Variants in ST13 observed in about 807,000 individuals in gnomAD.
The protein encoded by ST13 is hsc70-interacting protein.
In ST13, 23 loss-of-function variants were observed where a neutral mutation model predicts 56.7. The observed-to-expected ratio is 0.41, with a 90% CI of 0.29 to 0.57. The LOEUF is 0.57. ST13 is among the 20% of genes least tolerant of loss of function. ST13 has a pLI of 0.36. For synonymous variants in ST13, 132 were observed against 142.4 expected (o/e 0.93, Z 0.52); for missense variants, 369 against 459.9 (o/e 0.80, Z 1.81).
intron 1 of ST13, chr22:40,854,556 A>G (rs1267649660): frequency 4.6e-5 from 7 of 152,226 alleles, no homozygotes; most frequent in Non-Finnish European, 1.0e-4. Flanking sequence ...GGAATTCTCT[A>G]CATAGGCACA....
In ST13 at chr22:40,845,416, C is replaced by T. The variant is rs148758327; in HGVS notation, c.245-507G>A. Among the ~76,000 whole-genome samples the T allele has an allele frequency of 1.3e-3, 191 of 152,196 alleles. 3 individuals carry two copies. The East Asian group carries it at 0.032, about 26-fold the overall frequency. On this transcript the variant is annotated intron_variant, in intron 3 of 11. Coordinates refer to ENST00000216218, the MANE Select transcript of ST13 (RefSeq NM_003932.5). ...TGTTGTCCAAGAAATCCTCCCACCT[C>T]GGCCTCCCAAAGCACTAGGATTCCA...
chr22:40,838,673 T>C (rs565664844), intron 5 of ST13, among the ~76,000 whole-genome samples: 29 of 151,946 alleles, frequency 1.9e-4, no homozygotes, highest in African/African-American at 3.9e-4. Flanking sequence ...CTCAGGAAGA[T>C]TGCTTGAGCC....
At position 40,856,451 on chromosome 22, in the gene ST13, G is replaced by A. The variant is rs1262711290; in HGVS notation, c.90C>T (p.Phe30=). Residue 30 remains phenylalanine (F), a synonymous_variant, in exon 1 of 12, where the codon TTC becomes TTT. Coordinates refer to ENST00000216218, the MANE Select transcript of ST13 (RefSeq NM_003932.5). ...CTCACCTCTCCACCCACTCCCTCAG[G>A]AAGCGCATTTCCTCGGTGTGCAGAA... ...PSVLHTEEMR[F]LREWVESMGG... The A allele has an allele frequency of 1.2e-6, 2 of 1,613,476 alleles. No individual in the cohort carries two copies. Among genetic ancestry groups the A allele is most frequent in the Non-Finnish European group, 8.5e-7 (1 of 1,179,696 alleles).
Position 40,824,789 on chromosome 22 carries a change from T to C in ST13, c.*1749A>G, listed in dbSNP as rs1214386514. The stretch of plus-strand genomic sequence containing the variant: ...ACACACAAGCTCAAATGCAAGTTTA[T>C]ATGGTGAGTGTTTTTAAAGGATTTA... On this transcript the variant is annotated 3_prime_UTR_variant, in exon 12 of 12. Transcript: ENST00000216218. The C allele has an allele frequency of 2.0e-5, 3 of 152,242 alleles. No homozygotes were observed. The highest frequency in any genetic ancestry group is 2.9e-5 in the Non-Finnish European group (2 of 68,040). 9.4% of individuals were successfully genotyped at this position (152,242 alleles called of 1,614,324 possible).
intron 4 of ST13, 86 bp from the exon 5 acceptor site, chr22:40,840,778 C>A: frequency 9.8e-7 from 1 of 1,018,596 alleles, no homozygotes; most frequent in South Asian, 1.5e-5. Context: ...GAGGCGCAGT[C>A]ACAATACCCA....
chr22:40,849,093 G>C (rs368321373), intron 2 of ST13, among the ~76,000 whole-genome samples: 228 of 152,250 alleles, frequency 1.5e-3, no homozygotes, highest in African/African-American at 5.3e-3. Flanking sequence ...TGTGTATCTT[G>C]TAAATTATAT....
intron 4 of ST13, among the ~76,000 whole-genome samples, chr22:40,842,911 G>C (rs1325334663): frequency 6.6e-6 from 1 of 152,152 alleles, no homozygotes; most frequent in African/African-American, 2.4e-5. Context: ...CAGCACTCTG[G>C]AAGGCCAGGA....
At chr22:40,827,317 A>G in intron 10 of ST13, 88 bp from the exon 11 acceptor site, 2 of 1,403,720 alleles carry the variant, frequency 1.4e-6, no homozygotes, top group Non-Finnish European at 2.0e-6. Context: ...TTCAAAGAAT[A>G]TGGGTGCCAC....
Position 40,826,769 on chromosome 22 carries a change from G to A in ST13, c.982-103C>T, listed in dbSNP as rs12484869. The A allele has an allele frequency of 0.013, 18,413 of 1,383,162 alleles. 3,246 individuals carry two copies. The Admixed American group carries it at 0.32, about 24-fold the overall frequency. The allele number at this position is 1,383,162 out of a possible 1,614,324, so 85.7% of individuals were successfully genotyped here. A position where few individuals can be genotyped will look rare whatever the true frequency, so the allele number is the denominator to read the frequency against. The stretch of plus-strand genomic sequence containing the variant: ...TATTTAGACCTGTAATTTGGTGATA[G>A]TTAAGTTAAATGGGGTTTAGATGAG... On this transcript the variant is annotated intron_variant, in intron 11 of 11. Transcript: ENST00000216218.
chr22:40,840,023 G>A (rs765325372), intron 5 of ST13, among the ~76,000 whole-genome samples: 7 of 151,778 alleles, frequency 4.6e-5, no homozygotes, highest in Non-Finnish European at 8.8e-5. Context: ...GGTGGTACGC[G>A]CTTGTAATCC....
rs2057721319 is a variant in ST13, at chr22:40,825,073, C to G, written c.*1465G>C. Reference sequence around the variant, plus strand: ...CTTTAAATTGAAACACTGGTAGAAACGTAGCAATGTCAGGTACAATGCCTA... The same window carrying G: ...CTTTAAATTGAAACACTGGTAGAAAGGTAGCAATGTCAGGTACAATGCCTA... On this transcript the variant is annotated 3_prime_UTR_variant, in exon 12 of 12. Coordinates refer to ENST00000216218, the MANE Select transcript of ST13 (RefSeq NM_003932.5). 6.6e-6 allele frequency: 1 copy of G among 152,034 alleles called. No homozygotes were observed. The highest frequency in any genetic ancestry group is 1.5e-5 in the Non-Finnish European group (1 of 68,026). 9.4% of individuals were successfully genotyped at this position (152,034 alleles called of 1,614,324 possible). A position where few individuals can be genotyped will look rare whatever the true frequency, so the allele number is the denominator to read the frequency against.
intron 5 of ST13, among the ~76,000 whole-genome samples, chr22:40,838,863 G>A (rs187126096): frequency 9.4e-4 from 141 of 150,566 alleles, no homozygotes; most frequent in African/African-American, 3.3e-3. Context: ...TGAATTAAAA[G>A]TTGAAATATG....
chr22:40,856,424 G>A lies in ST13; in HGVS notation c.110+7C>T. ...CGCCCCCAACGGTCCTCAGGCCTGG[G>A]TCTCACCTCTCCACCCACTCCCTCA... is the stretch of plus-strand genomic sequence containing the variant. On this transcript the variant is annotated splice_region_variant and intron_variant, in intron 1 of 11. Transcript: ENST00000216218. The A allele has an allele frequency of 6.2e-7, 1 of 1,610,904 alleles. No homozygotes were observed. Among genetic ancestry groups the A allele is most frequent in the South Asian group, 1.1e-5 (1 of 91,018 alleles).
chr22:40,845,011 T>TAA, intron 3 of ST13, 102 bp from the exon 4 acceptor site: 1 of 730,510 alleles, frequency 1.4e-6, no homozygotes, highest in Non-Finnish European at 2.2e-6. Flanking sequence ...TACAATTAAT[T>TAA]ATTTTAAGTA....
At position 40,833,861 on chromosome 22, in the gene ST13, T is replaced by TCAAAA. The variant is rs563918743; in HGVS notation, c.579-1195_579-1191dup. Among the ~76,000 whole-genome samples, 1,004 of 150,980 alleles carry TCAAAA rather than the reference T, an allele frequency of 6.6e-3. 10 individuals carry two copies. Among genetic ancestry groups the TCAAAA allele is most frequent in the South Asian group, 0.044 (212 of 4,770 alleles). ...AGCCTGGGTGAAGGAGCAAAATGCC[T>TCAAAA]CAAAACAAAACAAAACAAAACAAAA... On this transcript the variant is annotated intron_variant, in intron 7 of 11. Transcript: ENST00000216218.
intron 1 of ST13, among the ~76,000 whole-genome samples, chr22:40,853,440 C>T (rs2057872056): frequency 6.6e-6 from 1 of 152,052 alleles, no homozygotes; most frequent in South Asian, 2.1e-4. Context: ...GAAGAAAACA[C>T]CAACTCATAG....
At chr22:40,850,938 A>C in intron 1 of ST13, 58 bp from the exon 2 acceptor site, 1 of 1,327,994 alleles carries the variant, frequency 7.5e-7, no homozygotes. Flanking sequence ...ACTGTCACGC[A>C]ACGTATTTAC....
At chr22:40,831,680 A>C (rs6002172) in intron 8 of ST13, among the ~76,000 whole-genome samples, 1 of 152,200 alleles carries the variant, frequency 6.6e-6, no homozygotes, top group Non-Finnish European at 1.5e-5. Flanking sequence ...TACAATTCCC[A>C]CTATCTTAAA....
intron 1 of ST13, among the ~76,000 whole-genome samples, chr22:40,851,636 C>T (rs1278443601): frequency 6.6e-6 from 1 of 151,920 alleles, no homozygotes; most frequent in Non-Finnish European, 1.5e-5. Context: ...GAGCACTCCA[C>T]AACAGTTGGA....
Sources: allele counts gnomAD v4.1 joint callset (sites outside exome capture counted in the v4.1 genomes callset), GRCh38; gene constraint gnomAD v4.1.1; transcripts MANE v1.5; gene names NCBI Gene and HGNC (gene_info 2026-07-23, HGNC 2026-07-21).